Variants in FOXN3 observed in about 807,000 individuals in gnomAD.
FOXN3 encodes forkhead box N3.
A neutral mutation model predicts 38.4 loss-of-function variants in FOXN3; 7 were observed. The ratio of observed to expected loss-of-function variants is 0.18; its 90% CI spans 0.10 to 0.34. The LOEUF is 0.34. Ranked by LOEUF, FOXN3 falls within the 10% of genes least tolerant of loss-of-function variation. FOXN3 has a pLI of 1.00. For synonymous variants in FOXN3, 230 were observed against 242.2 expected (o/e 0.95, Z 0.47); for missense variants, 456 against 613.4 (o/e 0.74, Z 2.71).
At chr14:89,432,519 T>C (rs1050797855) in intron 1 of FOXN3, among the ~76,000 whole-genome samples, 4 of 152,164 alleles carry the variant, frequency 2.6e-5, no homozygotes, top group African/African-American at 9.7e-5. Context: ...TCCACCACCC[T>C]TACAGGATAG....
chr14:89,504,562 G>A (rs1893870595), intron 1 of FOXN3, among the ~76,000 whole-genome samples: 2 of 152,128 alleles, frequency 1.3e-5, no homozygotes, highest in Non-Finnish European at 2.9e-5. Flanking sequence ...CCACAGTAAG[G>A]CCCAGAACCA....
At chr14:89,587,682 A>G (rs1414271025) in intron 1 of FOXN3, among the ~76,000 whole-genome samples, 1 of 152,078 alleles carries the variant, frequency 6.6e-6, no homozygotes, top group African/African-American at 2.4e-5. Context: ...AGCCTGGACG[A>G]TATGGGGAAA....
Position 89,157,090 on chromosome 14 carries a change from T to C in FOXN3, c.*5324A>G, listed in dbSNP as rs12890711. 5 of 152,680 alleles carry C rather than the reference T, an allele frequency of 3.3e-5. No individual in the cohort carries two copies. Among genetic ancestry groups the C allele is most frequent in the South Asian group, 4.1e-4 (2 of 4,826 alleles). 9.5% of individuals were successfully genotyped at this position (152,680 alleles called of 1,614,324 possible). On this transcript the variant is annotated 3_prime_UTR_variant, in exon 6 of 6. Coordinates refer to ENST00000557258, the MANE Select transcript of FOXN3 (RefSeq NM_005197.4). ...GAAATACAGTGGAAAAACACTGTTG[T>C]ATATATTCCAAATAAATAGTCTCGA...
intron 1 of FOXN3, among the ~76,000 whole-genome samples, chr14:89,617,813 T>C (rs764169307): frequency 7.2e-5 from 11 of 152,168 alleles, no homozygotes; most frequent in Non-Finnish European, 1.3e-4. Flanking sequence ...CCTGCAGAAA[T>C]CTGTGCACAA....
intron 2 of FOXN3, among the ~76,000 whole-genome samples, chr14:89,390,734 A>G (rs1401215067): frequency 6.6e-6 from 1 of 152,190 alleles, no homozygotes; most frequent in Non-Finnish European, 1.5e-5. Flanking sequence ...AAACCCTTCC[A>G]GAGAGTCCCT....
chr14:89,338,049 T>G (rs147217242), intron 3 of FOXN3, among the ~76,000 whole-genome samples: 1 of 152,270 alleles, frequency 6.6e-6, no homozygotes, highest in East Asian at 1.9e-4. Context: ...GTCTTAGGCT[T>G]GAAGAATGAC....
intron 1 of FOXN3, among the ~76,000 whole-genome samples, chr14:89,554,036 C>A (rs1157711669): frequency 6.6e-6 from 1 of 152,170 alleles, no homozygotes; most frequent in African/African-American, 2.4e-5. Context: ...GAGTCCCGCT[C>A]TGTCGCTCAG....
chr14:89,165,769 T>C (rs927293385), intron 5 of FOXN3, among the ~76,000 whole-genome samples: 2 of 152,228 alleles, frequency 1.3e-5, no homozygotes, highest in Non-Finnish European at 2.9e-5. Context: ...TCCTTTTAAT[T>C]TTTGCCATTT....
At chr14:89,177,192 G>C (rs1286307745) in intron 5 of FOXN3, among the ~76,000 whole-genome samples, 1 of 151,916 alleles carries the variant, frequency 6.6e-6, no homozygotes, top group Non-Finnish European at 1.5e-5. Flanking sequence ...TGTACTTTTA[G>C]TAGAGATGAT....
chr14:89,419,020 C>A, upstream of FOXN3: 1 of 410,650 alleles, frequency 2.4e-6, no homozygotes, highest in Middle Eastern at 4.6e-4. Context: ...TTCACCGGCC[C>A]CAGTCCCCTC....
chr14:89,179,139 C>G (rs956267036), intron 5 of FOXN3, among the ~76,000 whole-genome samples: 56 of 152,208 alleles, frequency 3.7e-4, no homozygotes, highest in African/African-American at 1.3e-3. Context: ...AGGAAAGATA[C>G]CGGGGAGGTA....
At chr14:89,555,733 A>G (rs937728656) in intron 1 of FOXN3, among the ~76,000 whole-genome samples, 1 of 152,076 alleles carries the variant, frequency 6.6e-6, no homozygotes, top group Non-Finnish European at 1.5e-5. Context: ...TTTCTTTTTC[A>G]TAGCCAAAAG....
rs780309909 is a variant in FOXN3 at position 89,190,492 on chromosome 14, C to T, written c.746-9686G>A. The T allele has an allele frequency of 2.3e-5, 35 of 1,533,610 alleles. No homozygotes were observed. The African/African-American group carries it at 2.5e-4, about 11-fold the overall frequency. ...TAAATAACATTATTTACAACGGGGCCGGTGTGTGTGTGTGTTTTTCCCCCT... is the reference window on the plus strand; with the variant it reads ...TAAATAACATTATTTACAACGGGGCTGGTGTGTGTGTGTGTTTTTCCCCCT... On this transcript the variant is annotated intron_variant, in intron 4 of 5. Coordinates refer to ENST00000557258, the MANE Select transcript of FOXN3 (RefSeq NM_005197.4).
intron 4 of FOXN3, among the ~76,000 whole-genome samples, chr14:89,193,544 CT>C (rs1378095954): frequency 2.0e-5 from 3 of 152,108 alleles, no homozygotes; most frequent in African/African-American, 7.2e-5. Flanking sequence ...CCCCCACCTT[CT>C]GTTATTCATC....
At chr14:89,404,719 G>A (rs1461749155) in intron 2 of FOXN3, among the ~76,000 whole-genome samples, 1 of 152,036 alleles carries the variant, frequency 6.6e-6, no homozygotes, top group Non-Finnish European at 1.5e-5. Flanking sequence ...CCGCCTGGCA[G>A]TAGGCACCGG....
chr14:89,567,949 C>G (rs993538895), intron 1 of FOXN3, among the ~76,000 whole-genome samples: 2 of 151,992 alleles, frequency 1.3e-5, no homozygotes, highest in Admixed American at 6.6e-5. Flanking sequence ...GTCTTGATCT[C>G]CTGACCTCGT....
Position 89,412,126 on chromosome 14 carries a change from G to A in FOXN3, c.351C>T (p.Tyr117=). The A allele has an allele frequency of 6.2e-7, 1 of 1,612,188 alleles. No homozygotes were observed. Among genetic ancestry groups the A allele is most frequent in the South Asian group, 1.1e-5 (1 of 90,950 alleles). The change falls in exon 2 of 6, where the codon TAC becomes TAT. Residue 117 remains tyrosine (Y), a synonymous_variant. Transcript: ENST00000557258. This position sits in a 1 kb window ranked among gnomAD's most constrained non-coding sequence, Gnocchi z 4.7. ...CCATAAATATGAGGCAGCTGAAGGA[G>A]TAGGGGGGTTTGCAGTTGGGGTTCT... ...ARQNPNCKPP[Y]SFSCLIFMAI...
intron 1 of FOXN3, among the ~76,000 whole-genome samples, chr14:89,470,034 C>A (rs1893059845): frequency 6.6e-6 from 1 of 152,212 alleles, no homozygotes; most frequent in South Asian, 2.1e-4. Flanking sequence ...ACACCAGAAC[C>A]AAGCTGATCA....
chr14:89,582,870 A>G (rs982199402), intron 1 of FOXN3, among the ~76,000 whole-genome samples: 4 of 152,160 alleles, frequency 2.6e-5, no homozygotes, highest in African/African-American at 9.7e-5. Flanking sequence ...TAATCATACA[A>G]TATATATGCT....
Sources: gnomAD v4.1 joint callset for allele counts (sites outside exome capture counted in the v4.1 genomes callset) on GRCh38, gnomAD v4.1.1 for gene constraint, Gnocchi (gnomAD v3.1) non-coding constraint, MANE v1.5 for transcripts, NCBI Gene and HGNC (gene_info 2026-07-23, HGNC 2026-07-21) for gene names.